DIP2B: variants seen among roughly 807,000 people sequenced by gnomAD.
DIP2B encodes disco-interacting protein 2 homolog B.
Under a neutral mutation model 198.0 loss-of-function variants are expected in DIP2B, and 76 were observed. The ratio of observed to expected loss-of-function variants is 0.38; its 90% CI spans 0.32 to 0.46. DIP2B has a LOEUF of 0.46. Among genes scored for constraint, DIP2B ranks in the 20% least tolerant of loss-of-function variants. The pLI, the probability that DIP2B is intolerant of heterozygous loss-of-function variation, is 0.99. For missense variants in DIP2B, 1,559 were observed against 1,978.4 expected (o/e 0.79, Z 4.02); for synonymous variants, 701 against 739.1 (o/e 0.95, Z 0.84).
chr12:50,741,291 G>C lies in DIP2B; in HGVS notation c.4355-125G>C, dbSNP rs1026553265. On this transcript the variant is annotated intron_variant, in intron 36 of 37. Coordinates refer to ENST00000301180, the MANE Select transcript of DIP2B (RefSeq NM_173602.3). ...TTCAGAGCCTTAAGGAATTTGCCCA[G>C]AGTTACACAGTTGGTAGGGGCAGAG... is the stretch of plus-strand genomic sequence containing the variant. The C allele has an allele frequency of 1.4e-5, 17 of 1,208,576 alleles. No homozygotes were observed. The African/African-American group carries it at 2.6e-4, about 18-fold the overall frequency. The allele number at this position is 1,208,576 out of a possible 1,614,324, so 74.9% of individuals were successfully genotyped here.
chr12:50,541,203 G>GA (rs1958322236), intron 1 of DIP2B, among the ~76,000 whole-genome samples: 1 of 152,108 alleles, frequency 6.6e-6, no homozygotes, highest in Non-Finnish European at 1.5e-5. Flanking sequence ...TCATTGACAA[G>GA]GCCATATGTA....
intron 3 of DIP2B, among the ~76,000 whole-genome samples, chr12:50,656,594 TGGAG>T (rs1938558367): frequency 6.6e-6 from 1 of 152,174 alleles, no homozygotes; most frequent in African/African-American, 2.4e-5. Flanking sequence ...TCTTTTGAGA[TGGAG>T]TCTCGCTCTT....
chr12:50,564,813 A>G (rs1000049953), intron 1 of DIP2B, among the ~76,000 whole-genome samples: 1 of 152,152 alleles, frequency 6.6e-6, no homozygotes, highest in African/African-American at 2.4e-5. Flanking sequence ...GGAAGTCCAT[A>G]ATCTTTTACT....
rs796804489 is a variant in DIP2B at position 50,568,413 on chromosome 12, G to GT, written c.101-57562dup. On this transcript the variant is annotated intron_variant, in intron 1 of 37. Transcript: ENST00000301180. ...ATAGGGCCAGCGGAGGAAAACAAAG[G>GT]TAAAAAAAGAAGAAAAGGGTATTTA... Among the ~76,000 whole-genome samples, 22 of 152,214 alleles carry GT rather than the reference G, an allele frequency of 1.4e-4. 1 individual carries two copies. The highest frequency in any genetic ancestry group is 4.8e-4 in the African/African-American group (20 of 41,538).
At chr12:50,691,612 A>AT (rs1178998212) in intron 13 of DIP2B, among the ~76,000 whole-genome samples, 1 of 152,184 alleles carries the variant, frequency 6.6e-6, no homozygotes, top group African/African-American at 2.4e-5. Context: ...TGCAATATTA[A>AT]TTTTTTTAGT....
rs143354817 is a variant in DIP2B at position 50,706,395 on chromosome 12, A to G, written c.2407-143A>G. On this transcript the variant is annotated intron_variant, in intron 20 of 37. Coordinates refer to ENST00000301180, the MANE Select transcript of DIP2B (RefSeq NM_173602.3). ...GATTTCAGAGATGTCAAGATGTGAAATGCTTTCTCTAGAATCCGTAAAATA... is the reference window on the plus strand; with the variant it reads ...GATTTCAGAGATGTCAAGATGTGAAGTGCTTTCTCTAGAATCCGTAAAATA... The G allele has an allele frequency of 7.7e-4, 751 of 970,146 alleles. 8 individuals carry two copies. In the African/African-American group the frequency reaches 0.011, roughly 14 times the overall value. The allele number at this position is 970,146 out of a possible 1,614,324, so 60.1% of individuals were successfully genotyped here.
chr12:50,668,474 C>G (rs12809086), intron 4 of DIP2B, among the ~76,000 whole-genome samples: 37,741 of 152,064 alleles, frequency 0.25, 5,520 homozygotes, highest in East Asian at 0.43. Context: ...TCATTAAACA[C>G]TGAAGACTGG....
chr12:50,509,496 A>G (rs1432300422), intron 1 of DIP2B, among the ~76,000 whole-genome samples: 1 of 152,322 alleles, frequency 6.6e-6, no homozygotes, highest in East Asian at 1.9e-4. Context: ...TCTTGTTTGA[A>G]CACTTCTCTG....
intron 12 of DIP2B, among the ~76,000 whole-genome samples, chr12:50,688,709 C>A (rs1939172494): frequency 6.6e-6 from 1 of 152,184 alleles, no homozygotes; most frequent in Admixed American, 6.5e-5. Context: ...GATCAGCTCT[C>A]AATCTATGTC....
intron 16 of DIP2B, 115 bp from the exon 17 acceptor site, chr12:50,696,946 A>G (rs923605459): frequency 5.5e-6 from 4 of 728,046 alleles, no homozygotes; most frequent in Admixed American, 3.0e-5. Flanking sequence ...AATTAACAAT[A>G]TACAATATGA....
intron 2 of DIP2B, among the ~76,000 whole-genome samples, chr12:50,639,109 A>C: frequency 1.4e-5 from 1 of 71,532 alleles, no homozygotes; most frequent in South Asian, 3.8e-4. Context: ...TTTTTTTTTG[A>C]GACAGAGTCT....
intron 1 of DIP2B, among the ~76,000 whole-genome samples, chr12:50,510,183 TA>T (rs1406894934): frequency 6.6e-6 from 1 of 152,202 alleles, no homozygotes; most frequent in Non-Finnish European, 1.5e-5. Context: ...AAACTGATTT[TA>T]GTTGTGATTG....
intron 25 of DIP2B, among the ~76,000 whole-genome samples, chr12:50,720,149 C>T (rs1400140610): frequency 6.6e-6 from 1 of 151,762 alleles, no homozygotes; most frequent in Non-Finnish European, 1.5e-5. Flanking sequence ...AGGCTGGTCT[C>T]GAACTCCTGA....
intron 17 of DIP2B, 80 bp from the exon 18 acceptor site, chr12:50,698,248 G>A: frequency 6.6e-7 from 1 of 1,505,808 alleles, no homozygotes; most frequent in Non-Finnish European, 8.9e-7. Flanking sequence ...TGTAGCCAGA[G>A]GAAATTTGTC....
chr12:50,526,179 T>C (rs560363383), intron 1 of DIP2B, among the ~76,000 whole-genome samples: 1 of 152,182 alleles, frequency 6.6e-6, no homozygotes, highest in Non-Finnish European at 1.5e-5. Flanking sequence ...AAGATTCCAA[T>C]GGAATTCTTT....
At chr12:50,693,135 A>C in intron 14 of DIP2B, 122 bp downstream of exon 14, 1 of 950,836 alleles carries the variant, frequency 1.1e-6, no homozygotes, top group South Asian at 1.7e-5. Context: ...GGTCAGTAAT[A>C]TTTTCCAGAG....
At chr12:50,601,972 A>T (rs946405604) in intron 1 of DIP2B, among the ~76,000 whole-genome samples, 2 of 152,170 alleles carry the variant, frequency 1.3e-5, no homozygotes, top group Non-Finnish European at 2.9e-5. Context: ...CAACATTCTC[A>T]TTTTGTGATC....
intron 19 of DIP2B, among the ~76,000 whole-genome samples, chr12:50,702,246 T>C (rs566366096): frequency 1.3e-5 from 2 of 152,150 alleles, no homozygotes; most frequent in South Asian, 4.2e-4. Context: ...CTCGGGAGGC[T>C]GACACAGGAG....
At chr12:50,700,820 T>C (rs868266470) in intron 19 of DIP2B, among the ~76,000 whole-genome samples, 1 of 152,212 alleles carries the variant, frequency 6.6e-6, no homozygotes, top group Non-Finnish European at 1.5e-5. Flanking sequence ...TCCTAGGTGA[T>C]TGATTTACCT....
Sources: gnomAD v4.1 joint callset for allele counts (sites outside exome capture counted in the v4.1 genomes callset) on GRCh38, gnomAD v4.1.1 for gene constraint, MANE v1.5 for transcripts, NCBI Gene and HGNC (gene_info 2026-07-23, HGNC 2026-07-21) for gene names.